CLEC4C: variants seen among roughly 807,000 people sequenced by gnomAD.
CLEC4C encodes the protein C-type lectin domain family 4 member C.
Under a neutral mutation model 27.7 loss-of-function variants are expected in CLEC4C, and 17 were observed. That is an observed-to-expected ratio of 0.61 (90% confidence interval 0.42 to 0.92). CLEC4C has a LOEUF of 0.92. Ranked by LOEUF, CLEC4C falls within the 40% of genes least tolerant of loss-of-function variation. CLEC4C has a pLI of 0.00. For synonymous variants in CLEC4C, 80 were observed against 80.8 expected (o/e 0.99, Z 0.06); for missense variants, 244 against 257.3 (o/e 0.95, Z 0.35).
At chr12:7,739,178 T>A (rs1864797206) in intron 3 of CLEC4C, among the ~76,000 whole-genome samples, 1 of 151,586 alleles carries the variant, frequency 6.6e-6, no homozygotes, top group Non-Finnish European at 1.5e-5. Flanking sequence ...AGTGGTGTGA[T>A]CTCGGCTCAC....
At chr12:7,746,229 A>G (rs777693647) in intron 2 of CLEC4C, 102 bp downstream of exon 2, 74 of 695,250 alleles carry the variant, frequency 1.1e-4, no homozygotes, top group African/African-American at 4.3e-4. Context: ...AAAAAAAAAA[A>G]AAAAGAAAAA....
chr12:7,749,158 G>A (rs1865048501), upstream of CLEC4C: 1 of 152,500 alleles, frequency 6.6e-6, no homozygotes, highest in African/African-American at 2.4e-5. Flanking sequence ...GTCAGACAGA[G>A]GTTGCACTTG....
chr12:7,746,436 C>G lies in CLEC4C; in HGVS notation c.32-13G>C, dbSNP rs773901010. ...CAGAGTCCTTTCTCTGTCAGATCAG[C>G]ATGACAAATGCACAGTCATAATCCC... On this transcript the variant is annotated splice_polypyrimidine_tract_variant and intron_variant, in intron 1 of 5. Transcript: ENST00000360345. 3 of 1,569,038 alleles carry G rather than the reference C, an allele frequency of 1.9e-6. No homozygotes were observed. The South Asian group carries it at 3.3e-5, about 17-fold the overall frequency.
chr12:7,742,084 G>A (rs2120422047), intron 2 of CLEC4C, among the ~76,000 whole-genome samples: 1 of 152,230 alleles, frequency 6.6e-6, no homozygotes, highest in Middle Eastern at 3.4e-3. Context: ...AGAGGCTGAG[G>A]CAGGAAAATC....
Position 7,730,915 on chromosome 12 carries a change from G to C in CLEC4C, c.382-3C>G. 2 of 1,501,658 alleles carry C rather than the reference G, an allele frequency of 1.3e-6. No homozygotes were observed. Among genetic ancestry groups the C allele is most frequent in the Non-Finnish European group, 1.9e-6 (2 of 1,078,122 alleles). The allele number at this position is 1,501,658 out of a possible 1,614,324, so 93.0% of individuals were successfully genotyped here. ...TTCAGATTCTGAATGATGAAATCCT[G>C]AGGGAAGAAAATGGAAGAGTCATAG... On this transcript the variant is annotated splice_polypyrimidine_tract_variant and splice_region_variant and intron_variant, in intron 4 of 5. Coordinates refer to ENST00000360345, the MANE Select transcript of CLEC4C (RefSeq NM_001371390.1).
intron 2 of CLEC4C, among the ~76,000 whole-genome samples, chr12:7,744,379 A>C (rs575826975): frequency 7.9e-5 from 12 of 152,228 alleles, no homozygotes; most frequent in Non-Finnish European, 1.5e-4. Flanking sequence ...CTGTATCATC[A>C]ACACATTTTT....
intron 4 of CLEC4C, among the ~76,000 whole-genome samples, chr12:7,734,987 G>C (rs2120379840): frequency 6.6e-6 from 1 of 152,056 alleles, no homozygotes; most frequent in East Asian, 2.0e-4. Flanking sequence ...GATCACTTGA[G>C]GCCAGGAGTT....
chr12:7,741,425 T>C lies in CLEC4C; in HGVS notation c.231A>G (p.Ile77Met). The C allele has an allele frequency of 6.4e-7, 1 of 1,567,672 alleles. No individual in the cohort carries two copies. The highest frequency in any genetic ancestry group is 8.8e-7 in the Non-Finnish European group (1 of 1,137,258). The change falls in exon 3 of 6, where the codon ATA (isoleucine) becomes ATG (methionine). Residue 77 changes from isoleucine (I) to methionine (M), a missense_variant. By Grantham distance (10) the Ile-to-Met change is conservative. Coordinates refer to ENST00000360345, the MANE Select transcript of CLEC4C (RefSeq NM_001371390.1). ...TTGCCCATTGCAGAGTTGTACCTTC[T>C]ATGTCCTTTCCTTCCATGACGCAGG... ...SLTCVMEGKD[I>M]EDWSCCPTPW...
chr12:7,734,354 C>T (rs1364416773), intron 4 of CLEC4C, among the ~76,000 whole-genome samples: 3 of 152,036 alleles, frequency 2.0e-5, no homozygotes, highest in Admixed American at 1.3e-4. Flanking sequence ...AATTAGAGTC[C>T]AGAGCCAAGA....
intron 2 of CLEC4C, among the ~76,000 whole-genome samples, chr12:7,742,858 C>A: frequency 7.1e-6 from 1 of 141,004 alleles, no homozygotes. Flanking sequence ...AATAAATAAA[C>A]GTTATGCTCT....
At chr12:7,729,821 A>T in intron 5 of CLEC4C, 81 bp from the exon 6 acceptor site, 1 of 1,335,802 alleles carries the variant, frequency 7.5e-7, no homozygotes, top group South Asian at 1.3e-5. Flanking sequence ...CTAGGGTTAA[A>T]CAGTGCGAAA....
chr12:7,740,341 G>A (rs11055538), intron 3 of CLEC4C, among the ~76,000 whole-genome samples: 3,148 of 152,174 alleles, frequency 0.021, 79 homozygotes, highest in South Asian at 0.1. Context: ...ACTGTATAGG[G>A]AGAGGGATAT....
intron 2 of CLEC4C, among the ~76,000 whole-genome samples, chr12:7,742,233 C>T (rs1864872199): frequency 6.6e-6 from 1 of 151,940 alleles, no homozygotes; most frequent in Non-Finnish European, 1.5e-5. Context: ...GACTTTACGG[C>T]TGGGCATGGT....
intron 4 of CLEC4C, among the ~76,000 whole-genome samples, chr12:7,735,886 T>C (rs1336425015): frequency 6.6e-6 from 1 of 152,124 alleles, no homozygotes; most frequent in Admixed American, 6.6e-5. Flanking sequence ...ACAGCATATT[T>C]GAAAGAGAAG....
At chr12:7,747,416 C>A, upstream of CLEC4C, 1 of 1,506,004 alleles carries the variant, frequency 6.6e-7, no homozygotes, top group Non-Finnish European at 9.2e-7. Flanking sequence ...TCACTTTCTC[C>A]AAAGATGTTA....
At chr12:7,732,903 G>A (rs549164078) in intron 4 of CLEC4C, among the ~76,000 whole-genome samples, 6 of 151,856 alleles carry the variant, frequency 4.0e-5, no homozygotes, top group African/African-American at 1.5e-4. Flanking sequence ...AGCGGAGATC[G>A]CGCCACTGCA....
chr12:7,730,302 G>A (rs1864565826), intron 5 of CLEC4C, among the ~76,000 whole-genome samples: 1 of 152,148 alleles, frequency 6.6e-6, no homozygotes, highest in African/African-American at 2.4e-5. Flanking sequence ...TGATACAAAT[G>A]TTAAAAGTGG....
At chr12:7,733,847 T>C (rs1462651546) in intron 4 of CLEC4C, among the ~76,000 whole-genome samples, 1 of 151,744 alleles carries the variant, frequency 6.6e-6, no homozygotes, top group Admixed American at 6.6e-5. Context: ...CATGCTGAGA[T>C]TACAGGCGTG....
upstream of CLEC4C, among the ~76,000 whole-genome samples, chr12:7,748,398 T>C (rs7302014): frequency 0.37 from 56,248 of 151,872 alleles, 10,739 homozygotes; most frequent in Middle Eastern, 0.44. Flanking sequence ...TGGTGGTGCA[T>C]GCCTGTAGTC....
Sources: allele counts gnomAD v4.1 joint callset (sites outside exome capture counted in the v4.1 genomes callset), GRCh38; gene constraint gnomAD v4.1.1; transcripts MANE v1.5; gene names NCBI Gene and HGNC (gene_info 2026-07-23, HGNC 2026-07-21).